The following SMARCAD1 variants were observed in gnomAD, a reference collection of about 807,000 sequenced individuals.
SMARCAD1 encodes the protein SNF2 related chromatin remodeling ATPase with DExD box 1.
A neutral mutation model predicts 127.1 loss-of-function variants in SMARCAD1; 25 were observed. That is an observed-to-expected ratio of 0.20 (90% CI 0.14 to 0.27). The LOEUF is 0.27. Ranked by LOEUF, SMARCAD1 falls within the 10% of genes least tolerant of loss-of-function variation. SMARCAD1 has a pLI of 1.00. For missense variants in SMARCAD1, 807 were observed against 1,206.0 expected (o/e 0.67, Z 4.90); for synonymous variants, 400 against 396.9 (o/e 1.01, Z -0.09).
intron 3 of SMARCAD1, among the ~76,000 whole-genome samples, chr4:94,233,428 T>C (rs1286688473): frequency 6.6e-6 from 1 of 152,232 alleles, no homozygotes; most frequent in Non-Finnish European, 1.5e-5. Flanking sequence ...TAAACCCTCA[T>C]ATGAAATAAA....
rs144737919 is a variant in SMARCAD1, at chr4:94,257,365, C to T, written c.1281+4358C>T. On this transcript the variant is annotated intron_variant, in intron 9 of 23. Transcript: ENST00000354268. ...TATTTATGTATACATTTGTATACTT[C>T]ATACCATGTAAGCAGGATCATCTTT... 4.0e-3 allele frequency among the ~76,000 whole-genome samples: 606 copies of T among 152,270 alleles called. 7 individuals carry two copies. The highest frequency in any genetic ancestry group is 0.014 in the African/African-American group (570 of 41,556).
chr4:94,219,146 G>C (rs997121173), intron 2 of SMARCAD1, among the ~76,000 whole-genome samples: 1 of 152,176 alleles, frequency 6.6e-6, no homozygotes, highest in Admixed American at 6.6e-5. Flanking sequence ...GCAAATATAT[G>C]ATGTGTTTTA....
At chr4:94,241,826 C>T (rs1271779666) in intron 6 of SMARCAD1, among the ~76,000 whole-genome samples, 7 of 152,042 alleles carry the variant, frequency 4.6e-5, no homozygotes, top group East Asian at 1.9e-4. Context: ...CTTGCATGCA[C>T]AGACTCAAGC....
chr4:94,231,706 G>C (rs1027055244), intron 3 of SMARCAD1, among the ~76,000 whole-genome samples: 10 of 151,874 alleles, frequency 6.6e-5, no homozygotes, highest in Non-Finnish European at 1.2e-4. Context: ...CTTAGGTTCA[G>C]ATTTCATGTT....
chr4:94,240,060 A>G (rs544423589), intron 5 of SMARCAD1, among the ~76,000 whole-genome samples: 33 of 152,274 alleles, frequency 2.2e-4, no homozygotes, highest in African/African-American at 7.0e-4. Flanking sequence ...AGCCATGTTA[A>G]TGAAATTTTT....
At chr4:94,284,692 C>T (rs923093860) in intron 22 of SMARCAD1, among the ~76,000 whole-genome samples, 2 of 151,740 alleles carry the variant, frequency 1.3e-5, no homozygotes, top group Non-Finnish European at 2.9e-5. Context: ...CTCAGCCTCC[C>T]AAAGTGCTGG....
At chr4:94,279,675 A>G (rs571757312) in intron 19 of SMARCAD1, among the ~76,000 whole-genome samples, 1 of 152,170 alleles carries the variant, frequency 6.6e-6, no homozygotes, top group African/African-American at 2.4e-5. Context: ...CAAAGCCTAA[A>G]ATATGATCTG....
intron 6 of SMARCAD1, among the ~76,000 whole-genome samples, chr4:94,246,772 C>A (rs892850009): frequency 6.6e-6 from 1 of 152,116 alleles, no homozygotes; most frequent in South Asian, 2.1e-4. Flanking sequence ...CCATCTAAGT[C>A]CATGAGTACT....
intron 9 of SMARCAD1, 30 bp downstream of exon 9, chr4:94,253,037 A>ATG (rs767451718): frequency 2.8e-5 from 45 of 1,605,476 alleles, no homozygotes; most frequent in East Asian, 4.5e-5. Flanking sequence ...TTCCCCTTGT[A>ATG]TGTGTGTGTG....
At chr4:94,273,889 G>A (rs978363258) in intron 12 of SMARCAD1, among the ~76,000 whole-genome samples, 173 bp downstream of exon 12, 33 of 152,056 alleles carry the variant, frequency 2.2e-4, no homozygotes, top group African/African-American at 8.0e-4. Context: ...ATGTGTGTTT[G>A]ATTATATTGG....
chr4:94,210,795 A>G (rs1295298303), intron 2 of SMARCAD1, among the ~76,000 whole-genome samples: 2 of 151,776 alleles, frequency 1.3e-5, no homozygotes, highest in African/African-American at 4.8e-5. Flanking sequence ...TTAGCCAGGC[A>G]TGGTGGAGCG....
chr4:94,235,291 C>G (rs1401638638), intron 4 of SMARCAD1, among the ~76,000 whole-genome samples: 1 of 111,426 alleles, frequency 9.0e-6, no homozygotes. Context: ...TAAATGGATT[C>G]AGATATGTGA....
At chr4:94,238,718 A>G (rs528276435) in intron 5 of SMARCAD1, among the ~76,000 whole-genome samples, 13 of 152,346 alleles carry the variant, frequency 8.5e-5, no homozygotes, top group Middle Eastern at 3.4e-3. Flanking sequence ...TAGCTTCCCA[A>G]TACATTCTTG....
chr4:94,279,092 G>GT, intron 19 of SMARCAD1, 42 bp downstream of exon 19: 1 of 1,612,308 alleles, frequency 6.2e-7, no homozygotes, highest in South Asian at 1.1e-5. Context: ...TTTAATAAGA[G>GT]GTTAAGTTGT....
Position 94,225,081 on chromosome 4 carries a change from G to C in SMARCAD1, c.191-1038G>C, listed in dbSNP as rs1165262908. On this transcript the variant is annotated intron_variant, in intron 2 of 23. Coordinates refer to ENST00000354268, the MANE Select transcript of SMARCAD1 (RefSeq NM_020159.5). ...TATTGGCAAAAGGGAAAATAATGTT[G>C]GAATTTACCCCTTGGAGAGAAGAGA... Among the ~76,000 whole-genome samples, 3 of 152,230 alleles carry C rather than the reference G, an allele frequency of 2.0e-5. No homozygotes were observed. In the East Asian group the frequency reaches 5.8e-4, roughly 29 times the overall value.
intron 2 of SMARCAD1, chr4:94,213,157 G>C: frequency 2.4e-6 from 3 of 1,235,938 alleles, no homozygotes; most frequent in Non-Finnish European, 3.2e-6. Flanking sequence ...AAAATGGTAT[G>C]TAAATATATA....
rs1231693030 is a variant in SMARCAD1 at position 94,212,939 on chromosome 4, C to G, written c.190+4355C>G. ...TGAGGGCATACACTTAACCTCTGCC[C>G]CCTGATTTATTTTACTCTTCTCGGT... is the stretch of plus-strand genomic sequence containing the variant. On this transcript the variant is annotated intron_variant, in intron 2 of 23. Coordinates refer to ENST00000354268, the MANE Select transcript of SMARCAD1 (RefSeq NM_020159.5). 9.1e-6 allele frequency: 5 copies of G among 552,164 alleles called. No homozygotes were observed. In the African/African-American group the frequency reaches 9.8e-5, roughly 11 times the overall value. 34.2% of individuals were successfully genotyped at this position (552,164 alleles called of 1,614,324 possible).
At chr4:94,285,828 T>G (rs1336748126) in intron 23 of SMARCAD1, among the ~76,000 whole-genome samples, 1 of 152,206 alleles carries the variant, frequency 6.6e-6, no homozygotes, top group Non-Finnish European at 1.5e-5. Context: ...TGATCATAGT[T>G]AAACAATTAG....
intron 2 of SMARCAD1, among the ~76,000 whole-genome samples, chr4:94,224,530 G>C (rs1374490846): frequency 6.6e-6 from 1 of 152,172 alleles, no homozygotes; most frequent in Non-Finnish European, 1.5e-5. Flanking sequence ...CATGAGATCA[G>C]ATGTGGAATT....
Sources: gnomAD v4.1 joint callset for allele counts (sites outside exome capture counted in the v4.1 genomes callset) on GRCh38, gnomAD v4.1.1 for gene constraint, MANE v1.5 for transcripts, NCBI Gene and HGNC (gene_info 2026-07-23, HGNC 2026-07-21) for gene names.